SLC4A5: variants seen among roughly 807,000 people sequenced by gnomAD.
SLC4A5 encodes the protein electrogenic sodium bicarbonate cotransporter 4.
In SLC4A5, 96 loss-of-function variants were observed where a neutral mutation model predicts 120.4. The observed-to-expected ratio is 0.80, with a 90% CI of 0.68 to 0.94. The LOEUF is 0.94. SLC4A5 is among the 40% of genes least tolerant of loss of function. The pLI, the probability that SLC4A5 is intolerant of heterozygous loss-of-function variation, is 0.00. For missense variants in SLC4A5, 1,259 were observed against 1,459.5 expected, an observed-to-expected ratio of 0.86 and a Z score of 2.24; for synonymous variants, 550 against 571.1, an observed-to-expected ratio of 0.96 and a Z score of 0.53.
chr2:74,242,042 G>C (rs748108623), exon 20 of SLC4A5: 1 of 1,605,836 alleles, frequency 6.2e-7, no homozygotes, highest in Non-Finnish European at 8.5e-7. Context: ...CATTGAACAC[G>C]GTTGTATTCA....
intron 19 of SLC4A5, among the ~76,000 whole-genome samples, chr2:74,246,760 C>T (rs2103970876): frequency 6.6e-6 from 1 of 152,312 alleles, no homozygotes; most frequent in Non-Finnish European, 1.5e-5. Flanking sequence ...TAGGTGTGGC[C>T]TCCACATTAC....
At chr2:74,247,799 G>A (rs1443593745) in intron 18 of SLC4A5, among the ~76,000 whole-genome samples, 1 of 152,156 alleles carries the variant, frequency 6.6e-6, no homozygotes, top group Non-Finnish European at 1.5e-5. Flanking sequence ...GCAGGTGTGA[G>A]CCACCACGCC....
At chr2:74,275,268 C>T (rs114699633) in intron 8 of SLC4A5, among the ~76,000 whole-genome samples, 3,945 of 152,266 alleles carry the variant, frequency 0.026, 67 homozygotes, top group Non-Finnish European at 0.034. Context: ...GTGAAGGGTC[C>T]ATCCTCCTGC....
At chr2:74,263,114 A>G (rs1671194038) in intron 10 of SLC4A5, among the ~76,000 whole-genome samples, 1 of 152,204 alleles carries the variant, frequency 6.6e-6, no homozygotes, top group African/African-American at 2.4e-5. Context: ...ATCTCTGCTC[A>G]CTGCAACCTC....
At chr2:74,285,680 AG>A in intron 8 of SLC4A5, 92 bp downstream of exon 8, 1 of 1,480,764 alleles carries the variant, frequency 6.8e-7, no homozygotes, top group Non-Finnish European at 9.1e-7. Flanking sequence ...GAAGCTCTCA[AG>A]GTACAAGGTG....
chr2:74,294,712 T>C (rs1672276860), intron 7 of SLC4A5, among the ~76,000 whole-genome samples: 1 of 151,100 alleles, frequency 6.6e-6, no homozygotes, highest in Non-Finnish European at 1.5e-5. Flanking sequence ...ACAGTCTTGC[T>C]CTGTCGCCCA....
At chr2:74,272,690 A>G (rs907896476) in intron 8 of SLC4A5, among the ~76,000 whole-genome samples, 1 of 152,236 alleles carries the variant, frequency 6.6e-6, no homozygotes, top group Non-Finnish European at 1.5e-5. Context: ...GTCACTTGTC[A>G]CAGAAAGCAG....
Position 74,222,896 on chromosome 2 carries a change from A to T in SLC4A5, c.3303T>A (p.Asp1101Glu), listed in dbSNP as rs752577356. 2.5e-6 allele frequency: 4 copies of T among 1,613,684 alleles called. No homozygotes were observed. Among genetic ancestry groups the T allele is most frequent in the East Asian group, 2.2e-5 (1 of 44,834 alleles). The change falls in exon 29 of 31, where the codon GAT becomes GAA. Residue 1101 changes from aspartate (D) to glutamate (E), a missense_variant. Coordinates refer to ENST00000394019, the Ensembl canonical transcript of SLC4A5. ...CAATGCAGTGGATACCGTTTTGGGG[A>T]TCTGATTGGACACTTTCCATGGGAA...
intron 7 of SLC4A5, among the ~76,000 whole-genome samples, chr2:74,292,245 G>A (rs1252405790): frequency 6.6e-6 from 1 of 152,166 alleles, no homozygotes; most frequent in Non-Finnish European, 1.5e-5. Context: ...CAGGTGAGAT[G>A]CTTCCTCTGT....
exon 30 of SLC4A5, chr2:74,221,468 C>T: frequency 6.2e-7 from 1 of 1,614,120 alleles, no homozygotes; most frequent in African/African-American, 1.3e-5. Context: ...AAGGAAGAAT[C>T]AGAGTGAGTA....
At position 74,281,692 on chromosome 2, in the gene SLC4A5, C is replaced by T. The variant is rs1671819099; in HGVS notation, c.401+4081G>A. On this transcript the variant is annotated intron_variant, in intron 8 of 30. Coordinates refer to ENST00000394019, the Ensembl canonical transcript of SLC4A5. ...GCCATTTAAATCCCTCCAGGAGTGACTCCTCCAAGGGCCTGAAACATCCCC... is the reference window on the plus strand; with the variant it reads ...GCCATTTAAATCCCTCCAGGAGTGATTCCTCCAAGGGCCTGAAACATCCCC... Among the ~76,000 whole-genome samples, 5 of 152,316 alleles carry T rather than the reference C, an allele frequency of 3.3e-5. No individual in the cohort carries two copies. The South Asian group carries it at 1.0e-3, about 32-fold the overall frequency.
intron 10 of SLC4A5, among the ~76,000 whole-genome samples, chr2:74,262,716 C>G (rs1015477969): frequency 2.0e-5 from 3 of 151,100 alleles, no homozygotes; most frequent in African/African-American, 7.3e-5. Flanking sequence ...AAAAAAAGAA[C>G]AAGATTAGAG....
At chr2:74,300,128 A>G (rs1041774207) in intron 7 of SLC4A5, among the ~76,000 whole-genome samples, 2 of 152,236 alleles carry the variant, frequency 1.3e-5, no homozygotes, top group African/African-American at 4.8e-5. Context: ...GAACTATTGC[A>G]TGTTCTCATT....
chr2:74,329,228 G>C (rs1315062750), intron 4 of SLC4A5, among the ~76,000 whole-genome samples: 1 of 152,202 alleles, frequency 6.6e-6, no homozygotes, highest in African/African-American at 2.4e-5. Flanking sequence ...AGGTGATGAG[G>C]TATAAATGGA....
At chr2:74,229,139 T>G in intron 25 of SLC4A5, among the ~76,000 whole-genome samples, 1 of 108,004 alleles carries the variant, frequency 9.3e-6, no homozygotes, top group Non-Finnish European at 1.8e-5. Flanking sequence ...TCTCGATATG[T>G]TGGCCATTCT....
exon 7 of SLC4A5, chr2:74,304,494 C>T: frequency 6.2e-7 from 1 of 1,610,818 alleles, no homozygotes; most frequent in Non-Finnish European, 8.5e-7. Flanking sequence ...CTCACGAGTC[C>T]TGCTGATAAG....
intron 6 of SLC4A5, chr2:74,307,935 C>A: frequency 1.9e-6 from 1 of 515,422 alleles, no homozygotes. Flanking sequence ...CAGCCAGGCG[C>A]CGTAGCTGGG....
At chr2:74,222,914 C>G (rs773525340) in exon 29 of SLC4A5, 6 of 1,613,444 alleles carry the variant, frequency 3.7e-6, no homozygotes, top group Non-Finnish European at 5.1e-6. Context: ...GGACACTTTC[C>G]ATGGGAATCT....
At chr2:74,240,541 GTTCT>G (rs933150331) in intron 20 of SLC4A5, among the ~76,000 whole-genome samples, 7 of 152,268 alleles carry the variant, frequency 4.6e-5, no homozygotes, top group African/African-American at 1.7e-4. Flanking sequence ...GACTGATTCT[GTTCT>G]TTCTCTCTCA....
Sources: allele counts gnomAD v4.1 joint callset (sites outside exome capture counted in the v4.1 genomes callset), GRCh38; gene constraint gnomAD v4.1.1; transcripts MANE v1.5; gene names NCBI Gene and HGNC (gene_info 2026-07-23, HGNC 2026-07-21).